Variants in ADAMTSL1 observed in about 807,000 individuals in gnomAD.
ADAMTSL1 encodes ADAMTS-like protein 1.
ADAMTSL1 carries 126 observed loss-of-function variants against 201.8 expected under a neutral mutation model. That is an observed-to-expected ratio of 0.62 (90% confidence interval 0.54 to 0.72). ADAMTSL1 has a LOEUF of 0.72. Among genes scored for constraint, ADAMTSL1 ranks in the 30% least tolerant of loss-of-function variants. ADAMTSL1 has a pLI of 0.00. For synonymous variants in ADAMTSL1, 1,121 were observed against 903.4 expected (o/e 1.24, Z -4.32); for missense variants, 2,679 against 2,277.8 (o/e 1.18, Z -3.59).
intron 15 of ADAMTSL1, among the ~76,000 whole-genome samples, chr9:18,727,896 G>T (rs548663571): frequency 2.0e-5 from 3 of 151,990 alleles, no homozygotes; most frequent in Middle Eastern, 6.8e-3. Context: ...CCTGGCCAAC[G>T]TGGCAAAAAC....
intron 3 of ADAMTSL1, among the ~76,000 whole-genome samples, chr9:18,537,892 AAG>A (rs1819881057): frequency 1.2e-4 from 17 of 147,814 alleles, no homozygotes; most frequent in African/African-American, 4.3e-4. Context: ...AAAAAAAAAA[AAG>A]AAGAAAGAAG....
chr9:18,545,977 T>C (rs192870035), intron 3 of ADAMTSL1, among the ~76,000 whole-genome samples: 5 of 152,298 alleles, frequency 3.3e-5, no homozygotes, highest in African/African-American at 1.2e-4. Context: ...CATGAACTTG[T>C]AGGTTTTTCC....
chr9:18,398,379 C>A (rs1817833255), intron 2 of ADAMTSL1, among the ~76,000 whole-genome samples: 1 of 152,092 alleles, frequency 6.6e-6, no homozygotes, highest in African/African-American at 2.4e-5. Flanking sequence ...TCAGATACAG[C>A]TATATGCAAA....
At chr9:18,634,835 C>CA (rs201005171) in intron 5 of ADAMTSL1, among the ~76,000 whole-genome samples, 1,647 of 66,188 alleles carry the variant, frequency 0.025, 32 homozygotes, top group African/African-American at 0.075. Flanking sequence ...CGAGATTCCT[C>CA]AAAAAAAAAA....
Position 18,746,452 on chromosome 9 carries a change from G to A in ADAMTSL1, c.2007-6846G>A, listed in dbSNP as rs1406013900. 2.0e-5 allele frequency among the ~76,000 whole-genome samples: 3 copies of A among 152,202 alleles called. No individual in the cohort carries two copies. In the South Asian group the frequency reaches 6.2e-4, roughly 31 times the overall value. On this transcript the variant is annotated intron_variant, in intron 15 of 28. Coordinates refer to ENST00000380548, the MANE Select transcript of ADAMTSL1 (RefSeq NM_001040272.6). ...TGGAAGACAAGAAAATCACAGGACA[G>A]AAGTGTTGGGCAGAAATGTCACACA...
chr9:17,941,275 T>G (rs921694323), intron 1 of ADAMTSL1, among the ~76,000 whole-genome samples: 1 of 152,110 alleles, frequency 6.6e-6, no homozygotes, highest in Non-Finnish European at 1.5e-5. Context: ...AATTGGAAAC[T>G]TCTAATTTAC....
intron 9 of ADAMTSL1, among the ~76,000 whole-genome samples, chr9:18,675,011 G>A (rs1419113551): frequency 1.4e-5 from 2 of 139,866 alleles, no homozygotes; most frequent in African/African-American, 5.3e-5. Context: ...TAGTTTATTG[G>A]CATCCTAAAG....
chr9:18,043,520 G>C (rs1390919365), intron 1 of ADAMTSL1, among the ~76,000 whole-genome samples: 1 of 151,942 alleles, frequency 6.6e-6, no homozygotes, highest in Non-Finnish European at 1.5e-5. Flanking sequence ...AAAATAATGG[G>C]AAAACTGCAA....
chr9:18,623,597 C>G (rs1826172168), intron 5 of ADAMTSL1, among the ~76,000 whole-genome samples: 1 of 152,198 alleles, frequency 6.6e-6, no homozygotes, highest in Non-Finnish European at 1.5e-5. Flanking sequence ...ATAGATGGTA[C>G]AAGTTCTCAT....
intron 1 of ADAMTSL1, among the ~76,000 whole-genome samples, chr9:17,963,032 C>T (rs1364299723): frequency 6.6e-6 from 1 of 152,220 alleles, no homozygotes; most frequent in Admixed American, 6.5e-5. Context: ...CATTTAGCTA[C>T]CTTTTGGCAA....
At chr9:18,498,858 G>A (rs74840377) in intron 1 of ADAMTSL1, among the ~76,000 whole-genome samples, 5,596 of 152,274 alleles carry the variant, frequency 0.037, 340 homozygotes, top group African/African-American at 0.13. Context: ...GATTAAATAC[G>A]ATCATTTGTC....
At chr9:18,134,511 T>C (rs995356445) in intron 1 of ADAMTSL1, among the ~76,000 whole-genome samples, 5 of 152,168 alleles carry the variant, frequency 3.3e-5, no homozygotes, top group African/African-American at 1.2e-4. Flanking sequence ...AAAGTGCAGT[T>C]ATATAATTTG....
At chr9:18,659,762 G>C (rs1244849725) in intron 8 of ADAMTSL1, among the ~76,000 whole-genome samples, 14 of 151,994 alleles carry the variant, frequency 9.2e-5, no homozygotes, top group Non-Finnish European at 1.5e-5. Flanking sequence ...GCAAGACCCT[G>C]TCTCAAAAAA....
At chr9:18,700,775 A>G (rs1308057782) in intron 13 of ADAMTSL1, among the ~76,000 whole-genome samples, 2 of 152,178 alleles carry the variant, frequency 1.3e-5, no homozygotes, top group African/African-American at 4.8e-5. Context: ...TCTTTTTCCA[A>G]TATACTATTT....
At chr9:18,408,964 A>G (rs574196720) in intron 2 of ADAMTSL1, among the ~76,000 whole-genome samples, 1 of 152,230 alleles carries the variant, frequency 6.6e-6, no homozygotes, top group Non-Finnish European at 1.5e-5. Context: ...TAGGAGTTTT[A>G]TAGGTTTACT....
Position 18,474,294 on chromosome 9 carries a change from T to C in ADAMTSL1, c.62T>C (p.Leu21Pro), listed in dbSNP as rs752271549. Reference protein sequence around the residue: ...TLLLFLAFLLLSSRTARSEED... With the variant: ...TLLLFLAFLLPSSRTARSEED... ...CTCCTCTTTCTGGCTTTCCTGCTCC[T>C]GGTAAATGCCTTTTCATTTCAATGC... is the stretch of plus-strand genomic sequence containing the variant. The change falls in exon 1 of 29, where the codon CTG (leucine) becomes CCG (proline). Residue 21 changes from leucine to proline, a missense_variant and splice_region_variant. Transcript: ENST00000380548. The C allele has an allele frequency of 6.2e-7, 1 of 1,614,136 alleles. No homozygotes were observed.
intron 1 of ADAMTSL1, among the ~76,000 whole-genome samples, chr9:18,133,197 G>C (rs1826020068): frequency 6.6e-6 from 1 of 152,112 alleles, no homozygotes; most frequent in Non-Finnish European, 1.5e-5. Context: ...TCAGGGTTCA[G>C]ATTATCTCCC....
chr9:18,534,567 G>A (rs1819638260), intron 3 of ADAMTSL1, among the ~76,000 whole-genome samples: 1 of 152,184 alleles, frequency 6.6e-6, no homozygotes, highest in South Asian at 2.1e-4. Flanking sequence ...TGTTGAAGAA[G>A]CTCTTTCCTC....
intron 15 of ADAMTSL1, among the ~76,000 whole-genome samples, chr9:18,752,179 A>C (rs1819506438): frequency 1.3e-5 from 2 of 152,216 alleles, no homozygotes; most frequent in Non-Finnish European, 1.5e-5. Flanking sequence ...GGAGAATAAC[A>C]AACAGATTAT....
Sources: allele counts gnomAD v4.1 joint callset (sites outside exome capture counted in the v4.1 genomes callset), GRCh38; gene constraint gnomAD v4.1.1; transcripts MANE v1.5; gene names NCBI Gene and HGNC (gene_info 2026-07-23, HGNC 2026-07-21).